Variants in SAAL1 observed in about 807,000 individuals in gnomAD.
SAAL1 encodes serum amyloid A like 1.
In SAAL1, 42 loss-of-function variants were observed where a neutral mutation model predicts 59.8. The ratio of observed to expected loss-of-function variants is 0.70; its 90% CI spans 0.55 to 0.91. SAAL1 has a LOEUF of 0.91. SAAL1 is among the 40% of genes least tolerant of loss of function. SAAL1 has a pLI of 0.00. For synonymous variants in SAAL1, 191 were observed against 194.3 expected, an observed-to-expected ratio of 0.98 and a Z score of 0.14; for missense variants, 542 against 561.1, an observed-to-expected ratio of 0.97 and a Z score of 0.34.
At chr11:18,101,702 C>G (rs1385831108) in intron 2 of SAAL1, among the ~76,000 whole-genome samples, 5 of 151,844 alleles carry the variant, frequency 3.3e-5, no homozygotes, top group African/African-American at 1.2e-4. Context: ...TCCATACACA[C>G]TTGTATACAA....
rs535608675 is a variant in SAAL1, at chr11:18,099,921, G to T, written c.250-3067C>A. 3.3e-5 allele frequency among the ~76,000 whole-genome samples: 5 copies of T among 152,136 alleles called. No individual in the cohort carries two copies. The South Asian group carries it at 1.0e-3, about 32-fold the overall frequency. On this transcript the variant is annotated intron_variant, in intron 2 of 11. Coordinates refer to ENST00000524803, the MANE Select transcript of SAAL1 (RefSeq NM_138421.3). ...ATAAACTCACCAGACTTTGCGCCAG[G>T]GACCTCAATTGTCAGTGGAGAGCTC...
chr11:18,104,508 A>C (rs978781777), intron 1 of SAAL1, among the ~76,000 whole-genome samples: 1 of 152,004 alleles, frequency 6.6e-6, no homozygotes, highest in South Asian at 2.1e-4. Context: ...ATATTAGAAA[A>C]GGCAAAGTGA....
At chr11:18,088,426 G>C (rs1332287646) in intron 7 of SAAL1, among the ~76,000 whole-genome samples, 1 of 152,166 alleles carries the variant, frequency 6.6e-6, no homozygotes, top group Non-Finnish European at 1.5e-5. Flanking sequence ...CAACTGAAAA[G>C]ACCGAAGCAT....
chr11:18,083,564 G>T lies in SAAL1; in HGVS notation c.1210C>A (p.Leu404Ile). Residue 404 changes from leucine (L) to isoleucine (I), a missense_variant, in exon 10 of 12, where the codon CTT becomes ATT. Transcript: ENST00000524803. Reference sequence around the variant, plus strand: ...GTTAATGCCTGAAAAATATTAGAAAGAAATTCACATAAAATATCCTTTAAG... The same window carrying T: ...GTTAATGCCTGAAAAATATTAGAAATAAATTCACATAAAATATCCTTTAAG... The part of the protein sequence containing the change: ...KILKDILCEF[L>I]SNIFQALTKE... 6.3e-7 allele frequency: 1 copy of T among 1,586,936 alleles called. No homozygotes were observed. Among genetic ancestry groups the T allele is most frequent in the African/African-American group, 1.3e-5 (1 of 74,386 alleles).
At chr11:18,093,574 G>T (rs11024480) in intron 3 of SAAL1, among the ~76,000 whole-genome samples, 62,055 of 151,850 alleles carry the variant, frequency 0.41, 13,246 homozygotes, top group African/African-American at 0.49. Flanking sequence ...TACCACTCAC[G>T]GTGGCCAGGC....
intron 7 of SAAL1, 35 bp downstream of exon 7, chr11:18,089,295 T>G (rs945111509): frequency 6.6e-7 from 1 of 1,509,658 alleles, no homozygotes. Context: ...CAATTGCATT[T>G]TCCCAGAACA....
intron 9 of SAAL1, among the ~76,000 whole-genome samples, chr11:18,086,179 G>A (rs1427187962): frequency 6.6e-6 from 1 of 152,138 alleles, no homozygotes; most frequent in African/African-American, 2.4e-5. Flanking sequence ...AAGGCAGGAA[G>A]GTCATTTGAG....
chr11:18,100,718 T>C (rs765594824), intron 2 of SAAL1, among the ~76,000 whole-genome samples: 11 of 152,240 alleles, frequency 7.2e-5, no homozygotes, highest in Non-Finnish European at 1.5e-4. Flanking sequence ...CTATAAAGTA[T>C]GTGGACAACT....
At chr11:18,089,288 T>C (rs1470313613) in intron 7 of SAAL1, 42 bp downstream of exon 7, 2 of 1,482,810 alleles carry the variant, frequency 1.3e-6, no homozygotes, top group Non-Finnish European at 1.8e-6. Context: ...CTTCTAGCAA[T>C]TGCATTTTCC....
At position 18,083,602 on chromosome 11, in the gene SAAL1, A is replaced by G. The variant is rs758493304; in HGVS notation, c.1172T>C (p.Phe391Ser). The change falls in exon 10 of 12, where the codon TTC (phenylalanine) becomes TCC (serine). Residue 391 changes from phenylalanine (F) to serine (S), a missense_variant. Transcript: ENST00000524803. ...TKRTDLTQDD[F>S]HLKILKDILC... ...AATATCCTTTAAGATTTTCAAGTGG[A>G]AATCATCTTGGGTTAAATCAGTCCT... 6.2e-7 allele frequency: 1 copy of G among 1,604,260 alleles called. No homozygotes were observed. Among genetic ancestry groups the G allele is most frequent in the South Asian group, 1.1e-5 (1 of 90,570 alleles).
intron 4 of SAAL1, 145 bp from the exon 5 acceptor site, chr11:18,090,638 A>T: frequency 1.1e-6 from 1 of 885,232 alleles, no homozygotes; most frequent in Non-Finnish European, 1.6e-6. Flanking sequence ...TAGTTAATAA[A>T]TAATTATAAA....
chr11:18,089,735 A>G (rs1848501845), intron 6 of SAAL1, among the ~76,000 whole-genome samples: 1 of 152,154 alleles, frequency 6.6e-6, no homozygotes, highest in African/African-American at 2.4e-5. Context: ...TGTATCTTCA[A>G]TCAAAAAACT....
At position 18,089,361 on chromosome 11, in the gene SAAL1, G is replaced by C; in HGVS notation, c.739C>G (p.Pro247Ala). 6.3e-7 allele frequency: 1 copy of C among 1,586,974 alleles called. No homozygotes were observed. Among genetic ancestry groups the C allele is most frequent in the Non-Finnish European group, 8.5e-7 (1 of 1,171,712 alleles). ...TGTTTGGCAGCTTCAAGTATACAGGGCACAAGCCGAAACACTGGCTGCTCT... is the reference window on the plus strand; with the variant it reads ...TGTTTGGCAGCTTCAAGTATACAGGCCACAAGCCGAAACACTGGCTGCTCT... ...SEEQPVFRLV[P>A]CILEAAKQVR... The change falls in exon 7 of 12, where the codon CCC becomes GCC. Residue 247 changes from proline (P) to alanine (A), a missense_variant. Pro to Ala is a conservative substitution (Grantham distance 27). Coordinates refer to ENST00000524803, the MANE Select transcript of SAAL1 (RefSeq NM_138421.3).
chr11:18,089,312 A>G lies in SAAL1; in HGVS notation c.770+18T>C, dbSNP rs1379591128. The G allele has an allele frequency of 9.8e-6, 15 of 1,530,102 alleles. No individual in the cohort carries two copies. Among genetic ancestry groups the G allele is most frequent in the Non-Finnish European group, 1.2e-5 (14 of 1,145,220 alleles). 94.8% of individuals were successfully genotyped at this position (1,530,102 alleles called of 1,614,324 possible). On this transcript the variant is annotated intron_variant, in intron 7 of 11. Coordinates refer to ENST00000524803, the MANE Select transcript of SAAL1 (RefSeq NM_138421.3). The stretch of plus-strand genomic sequence containing the variant: ...ATTGCATTTTCCCAGAACATTTTAC[A>G]CAAAAGAGCTCACCTACCGTACTTG...
In SAAL1 at chr11:18,106,065, A is replaced by C. The variant is rs1352918718; in HGVS notation, c.-24T>G. 1.9e-6 allele frequency: 3 copies of C among 1,586,492 alleles called. No individual in the cohort carries two copies. On this transcript the variant is annotated 5_prime_UTR_variant, in exon 1 of 12. Transcript: ENST00000524803. ...ATGACTTTGTCGCGTCCCGCGCTTG[A>C]AGGCCGTGCCGGAAGCTGCGGAGGA...
chr11:18,090,282 A>G lies in SAAL1; in HGVS notation c.482T>C (p.Leu161Pro). Reference sequence around the variant, plus strand: ...CACTTCTGCCTGGGAAAGGCAAGTAAGCAACAACCTACATGGTAAACGTGG... The same window carrying G: ...CACTTCTGCCTGGGAAAGGCAAGTAGGCAACAACCTACATGGTAAACGTGG... ...PTLLETSRLLLTCLSQAEVAS... is the reference protein window; with the variant it reads ...PTLLETSRLLPTCLSQAEVAS... Residue 161 changes from leucine (L) to proline (P), a missense_variant, in exon 6 of 12, where the codon CTT (leucine) becomes CCT (proline). Transcript: ENST00000524803. The G allele has an allele frequency of 6.2e-7, 1 of 1,604,734 alleles. No homozygotes were observed. Among genetic ancestry groups the G allele is most frequent in the Non-Finnish European group, 8.5e-7 (1 of 1,177,860 alleles).
chr11:18,102,418 T>G (rs1465606699), intron 2 of SAAL1, among the ~76,000 whole-genome samples: 1 of 149,792 alleles, frequency 6.7e-6, no homozygotes, highest in Non-Finnish European at 1.5e-5. Flanking sequence ...AAAAAATCAA[T>G]GTCAATGATA....
Position 18,081,418 on chromosome 11 carries a change from C to A in SAAL1, c.1325G>T (p.Ser442Ile), listed in dbSNP as rs1326377779. ...SAFQNLLPFY[S>I]PVVEDFIKIL... is the part of the protein sequence containing the mutation. The stretch of plus-strand genomic sequence containing the variant: ...ACATTTACCCATACTCACCACAGGG[C>A]TATAGAAAGGAAGAAGGTTTTGAAA... Residue 442 changes from serine to isoleucine, a missense_variant, in exon 11 of 12, where the codon AGC becomes ATC. Physicochemically the swap from Ser to Ile is moderately radical, Grantham distance 142. Coordinates refer to ENST00000524803, the MANE Select transcript of SAAL1 (RefSeq NM_138421.3). 4 of 1,613,088 alleles carry A rather than the reference C, an allele frequency of 2.5e-6. No homozygotes were observed. The highest frequency in any genetic ancestry group is 3.4e-6 in the Non-Finnish European group (4 of 1,179,196).
rs747670128 is a variant in SAAL1 at position 18,090,325 on chromosome 11, CAAAA to C, written c.474-39_474-36del. 1.9e-5 allele frequency: 25 copies of C among 1,299,638 alleles called. No individual in the cohort carries two copies. In the East Asian group the frequency reaches 4.3e-4, roughly 22 times the overall value. The allele number at this position is 1,299,638 out of a possible 1,614,324, so 80.5% of individuals were successfully genotyped here. On this transcript the variant is annotated intron_variant, in intron 5 of 11. Transcript: ENST00000524803. ...AAACGTGGGTTGAATTTCTACTTTT[CAAAA>C]AAAAAAAAAAAACAGTAAAGGAAAT... is the stretch of plus-strand genomic sequence containing the variant.
Sources: gnomAD v4.1 joint callset for allele counts (sites outside exome capture counted in the v4.1 genomes callset) on GRCh38, gnomAD v4.1.1 for gene constraint, MANE v1.5 for transcripts, NCBI Gene and HGNC (gene_info 2026-07-23, HGNC 2026-07-21) for gene names.